Variants in NTN4 observed in about 807,000 individuals in gnomAD.
NTN4 encodes netrin-4.
In NTN4, 32 loss-of-function variants were observed where a neutral mutation model predicts 73.6. That is an observed-to-expected ratio of 0.44 (90% CI 0.33 to 0.58). The LOEUF is 0.58. Ranked by LOEUF, NTN4 falls within the 20% of genes least tolerant of loss-of-function variation. NTN4 has a pLI of 0.04. For synonymous variants in NTN4, 258 were observed against 287.5 expected, an observed-to-expected ratio of 0.90 and a Z score of 1.04; for missense variants, 654 against 798.3, an observed-to-expected ratio of 0.82 and a Z score of 2.18.
At chr12:95,788,173 T>C (rs2079183320) in intron 1 of NTN4, among the ~76,000 whole-genome samples, 1 of 152,198 alleles carries the variant, frequency 6.6e-6, no homozygotes, top group African/African-American at 2.4e-5. Flanking sequence ...AAAAACTCTC[T>C]GAACTGCCAA....
At chr12:95,690,538 G>T (rs949565424) in intron 5 of NTN4, among the ~76,000 whole-genome samples, 1 of 151,966 alleles carries the variant, frequency 6.6e-6, no homozygotes, top group Non-Finnish European at 1.5e-5. Context: ...TTTATTATGA[G>T]AACATTTAGG....
At position 95,773,005 on chromosome 12, in the gene NTN4, TTTTTTC is replaced by T. The variant is rs869070011; in HGVS notation, c.585+13928_585+13933del. Reference sequence around the variant, plus strand: ...CAATGGCTTTTTTTTTTCTTTTTTCTTTTTTCTTTTTTTTTGAGATGGAGTTTCACT... The same window carrying T: ...CAATGGCTTTTTTTTTTCTTTTTTCTTTTTTTTTTGAGATGGAGTTTCACT... On this transcript the variant is annotated intron_variant, in intron 2 of 9. Coordinates refer to ENST00000343702, the MANE Select transcript of NTN4 (RefSeq NM_021229.4). Among the ~76,000 whole-genome samples the T allele has an allele frequency of 6.9e-3, 1,043 of 150,864 alleles. 8 individuals carry two copies. The highest frequency in any genetic ancestry group is 8.2e-3 in the Non-Finnish European group (557 of 67,626).
chr12:95,710,316 A>G (rs2078554763), intron 5 of NTN4, 125 bp downstream of exon 5: 1 of 686,884 alleles, frequency 1.5e-6, no homozygotes, highest in Non-Finnish European at 2.4e-6. Context: ...AAATTAACCG[A>G]TATCTGTGAG....
At chr12:95,667,097 C>T (rs186966760) in intron 8 of NTN4, among the ~76,000 whole-genome samples, 3 of 152,120 alleles carry the variant, frequency 2.0e-5, no homozygotes, top group Non-Finnish European at 4.4e-5. Context: ...ATTGATATGG[C>T]TGGGGATTAA....
At chr12:95,691,151 T>G (rs1376665925) in intron 5 of NTN4, among the ~76,000 whole-genome samples, 1 of 152,248 alleles carries the variant, frequency 6.6e-6, no homozygotes, top group Non-Finnish European at 1.5e-5. Flanking sequence ...TGAAGCTTGA[T>G]AGCAGTCAAT....
intron 3 of NTN4, among the ~76,000 whole-genome samples, chr12:95,719,327 GA>G (rs984282082): frequency 3.3e-5 from 5 of 152,054 alleles, no homozygotes; most frequent in African/African-American, 1.2e-4. Flanking sequence ...AAATGTTTGT[GA>G]AAAGAGGATA....
At chr12:95,741,711 G>C (rs1207579181) in intron 2 of NTN4, among the ~76,000 whole-genome samples, 1 of 149,228 alleles carries the variant, frequency 6.7e-6, no homozygotes, top group African/African-American at 2.5e-5. Flanking sequence ...TAATAAAATA[G>C]AACAACGAAA....
At chr12:95,693,901 C>T (rs983674105) in intron 5 of NTN4, among the ~76,000 whole-genome samples, 1 of 151,970 alleles carries the variant, frequency 6.6e-6, no homozygotes, top group Non-Finnish European at 1.5e-5. Flanking sequence ...AAAAAGTACA[C>T]AAACACAAGC....
intron 7 of NTN4, chr12:95,672,840 A>T: frequency 6.5e-6 from 9 of 1,378,252 alleles, no homozygotes; most frequent in Non-Finnish European, 9.3e-6. Flanking sequence ...AGGAAGGGAA[A>T]TGGGTACTGA....
At chr12:95,665,696 A>G in intron 9 of NTN4, 114 bp downstream of exon 9, 1 of 741,180 alleles carries the variant, frequency 1.3e-6, no homozygotes, top group South Asian at 2.6e-5. Context: ...TCAGATGGTG[A>G]AAGGGAGAGA....
At chr12:95,711,924 T>G (rs958169274) in intron 4 of NTN4, among the ~76,000 whole-genome samples, 49 of 152,230 alleles carry the variant, frequency 3.2e-4, no homozygotes, top group African/African-American at 1.1e-3. Context: ...ATTGTTTCCT[T>G]GATGTGTTAT....
At chr12:95,759,884 G>A (rs1170031445) in intron 2 of NTN4, among the ~76,000 whole-genome samples, 1 of 152,130 alleles carries the variant, frequency 6.6e-6, no homozygotes, top group East Asian at 1.9e-4. Flanking sequence ...AACATACGGA[G>A]TATATTTATA....
intron 5 of NTN4, among the ~76,000 whole-genome samples, chr12:95,695,436 T>C (rs1337021694): frequency 2.0e-5 from 3 of 152,008 alleles, no homozygotes; most frequent in South Asian, 2.1e-4. Flanking sequence ...GTGATCTTGG[T>C]TTACTGCAAC....
rs528826895 is a variant in NTN4 at position 95,720,174 on chromosome 12, C to T, written c.865-6836G>A. ...AAAATGCACTTACCCTCAGGAGGGG[C>T]AAATCCTTATATTATTAGCAAAAAC... On this transcript the variant is annotated intron_variant, in intron 3 of 9. Coordinates refer to ENST00000343702, the MANE Select transcript of NTN4 (RefSeq NM_021229.4). 5.3e-5 allele frequency among the ~76,000 whole-genome samples: 8 copies of T among 152,240 alleles called. No homozygotes were observed. The South Asian group carries it at 1.7e-3, about 32-fold the overall frequency.
intron 9 of NTN4, among the ~76,000 whole-genome samples, chr12:95,661,443 T>A (rs1053965918): frequency 6.6e-6 from 1 of 152,202 alleles, no homozygotes; most frequent in Non-Finnish European, 1.5e-5. Flanking sequence ...AATGAATGAT[T>A]AATGGAAAGC....
intron 2 of NTN4, among the ~76,000 whole-genome samples, chr12:95,779,802 A>G (rs1204111992): frequency 6.6e-6 from 1 of 152,228 alleles, no homozygotes; most frequent in Non-Finnish European, 1.5e-5. Flanking sequence ...ATTGGAAAAA[A>G]CTACTTTAAA....
intron 9 of NTN4, among the ~76,000 whole-genome samples, chr12:95,662,616 A>C (rs1277679993): frequency 6.6e-6 from 1 of 152,226 alleles, no homozygotes; most frequent in African/African-American, 2.4e-5. Flanking sequence ...AAATAATGAC[A>C]CAGAGAGGTT....
intron 5 of NTN4, among the ~76,000 whole-genome samples, chr12:95,696,576 C>T (rs1290449670): frequency 3.3e-5 from 5 of 152,096 alleles, no homozygotes; most frequent in Non-Finnish European, 1.5e-5. Flanking sequence ...AAATCACTCA[C>T]CTTTGTTACA....
intron 2 of NTN4, among the ~76,000 whole-genome samples, chr12:95,740,224 C>T (rs1275170471): frequency 2.6e-5 from 4 of 152,164 alleles, no homozygotes; most frequent in Non-Finnish European, 4.4e-5. Flanking sequence ...ACAAAGAGTC[C>T]GCCAGTACAG....
Sources: allele counts gnomAD v4.1 joint callset (sites outside exome capture counted in the v4.1 genomes callset), GRCh38; gene constraint gnomAD v4.1.1; transcripts MANE v1.5; gene names NCBI Gene and HGNC (gene_info 2026-07-23, HGNC 2026-07-21).